Variants in ARNT2 observed in about 807,000 individuals in gnomAD.
ARNT2 encodes the protein ARNT protein 2.
ARNT2 carries 36 observed loss-of-function variants against 91.7 expected under a neutral mutation model. The observed-to-expected ratio is 0.39, with a 90% CI of 0.30 to 0.52. The LOEUF (loss-of-function observed/expected upper bound fraction) is 0.52. ARNT2 is among the 20% of genes least tolerant of loss of function. The pLI is 0.72. For synonymous variants in ARNT2, 365 were observed against 347.1 expected, an observed-to-expected ratio of 1.05 and a Z score of -0.57; for missense variants, 775 against 939.3, an observed-to-expected ratio of 0.83 and a Z score of 2.29.
At chr15:80,587,948 CATGGATGTT>C (rs1169680497) in intron 17 of ARNT2, among the ~76,000 whole-genome samples, 2 of 152,204 alleles carry the variant, frequency 1.3e-5, no homozygotes, top group African/African-American at 4.8e-5. Flanking sequence ...ACATCCAGAA[CATGGATGTT>C]ACTACATAGA....
chr15:80,547,264 G>A (rs770846626), intron 8 of ARNT2, among the ~76,000 whole-genome samples: 3 of 152,136 alleles, frequency 2.0e-5, no homozygotes, highest in East Asian at 3.9e-4. Flanking sequence ...GGGCCTTAGC[G>A]TGAATCAAAG....
At chr15:80,503,445 T>C (rs1388693486) in intron 5 of ARNT2, among the ~76,000 whole-genome samples, 1 of 152,236 alleles carries the variant, frequency 6.6e-6, no homozygotes, top group African/African-American at 2.4e-5. Flanking sequence ...GAAATAAACG[T>C]TGAAGCTGTT....
At chr15:80,545,339 C>G (rs1165732333) in intron 8 of ARNT2, among the ~76,000 whole-genome samples, 9 of 152,200 alleles carry the variant, frequency 5.9e-5, no homozygotes, top group Admixed American at 5.9e-4. Flanking sequence ...GGGCAAGAAA[C>G]TGGACATCCT....
intron 5 of ARNT2, among the ~76,000 whole-genome samples, chr15:80,491,378 G>A (rs561876002): frequency 6.6e-6 from 1 of 152,282 alleles, no homozygotes; most frequent in East Asian, 1.9e-4. Context: ...ATTACCATCA[G>A]ATCTTGTGAG....
At chr15:80,417,566 C>T (rs1230916446) in intron 1 of ARNT2, among the ~76,000 whole-genome samples, 2 of 147,156 alleles carry the variant, frequency 1.4e-5, no homozygotes, top group African/African-American at 2.5e-5. Context: ...TTCTTTTCTC[C>T]TTCTCCCCTC....
At chr15:80,449,017 A>AC (rs1191566051) in intron 1 of ARNT2, among the ~76,000 whole-genome samples, 16 of 152,156 alleles carry the variant, frequency 1.1e-4, no homozygotes, top group East Asian at 1.9e-4. Flanking sequence ...ACAAAACAAA[A>AC]AACCAAAACT....
rs75310976 is a variant in ARNT2 at position 80,530,719 on chromosome 15, G to C, written c.877+16314G>C. ...CCAAAAGCACCTGGTATACTTCAAA[G>C]CTTTGCCTTGCAAAGTGGGGGATCC... On this transcript the variant is annotated intron_variant, in intron 8 of 18. Coordinates refer to ENST00000303329, the MANE Select transcript of ARNT2 (RefSeq NM_014862.4). Among the ~76,000 whole-genome samples, 74 of 152,258 alleles carry C rather than the reference G, an allele frequency of 4.9e-4. 2 individuals carry two copies. In the East Asian group the frequency reaches 0.013, roughly 27 times the overall value.
At chr15:80,546,190 A>C (rs1214145248) in intron 8 of ARNT2, among the ~76,000 whole-genome samples, 2 of 152,206 alleles carry the variant, frequency 1.3e-5, no homozygotes, top group Non-Finnish European at 2.9e-5. Flanking sequence ...AGTTAGTACA[A>C]TGATTCTGTG....
At chr15:80,539,426 CTAA>C (rs1275865970) in intron 8 of ARNT2, among the ~76,000 whole-genome samples, 39 of 152,032 alleles carry the variant, frequency 2.6e-4, no homozygotes, top group Admixed American at 2.3e-3. Flanking sequence ...TCTTTGTAAA[CTAA>C]TAATAGAAAT....
chr15:80,424,036 A>G (rs1466616247), intron 1 of ARNT2, among the ~76,000 whole-genome samples: 1 of 152,170 alleles, frequency 6.6e-6, no homozygotes, highest in Non-Finnish European at 1.5e-5. Context: ...GTTCTACCCA[A>G]GTGGTGGCCC....
At chr15:80,483,498 T>C (rs1389778073) in intron 5 of ARNT2, among the ~76,000 whole-genome samples, 1 of 152,146 alleles carries the variant, frequency 6.6e-6, no homozygotes, top group African/African-American at 2.4e-5. Context: ...CTATGCTTGC[T>C]ATCTAGGGCA....
intron 12 of ARNT2, among the ~76,000 whole-genome samples, chr15:80,565,579 G>T (rs1898464689): frequency 6.7e-6 from 1 of 150,302 alleles, no homozygotes; most frequent in Non-Finnish European, 1.5e-5. Context: ...ATTCTAACTG[G>T]TGTGAGATGG....
intron 12 of ARNT2, among the ~76,000 whole-genome samples, chr15:80,568,234 C>T (rs1169904781): frequency 6.6e-6 from 1 of 152,138 alleles, no homozygotes; most frequent in Non-Finnish European, 1.5e-5. Flanking sequence ...GGGGCCAAGA[C>T]TCATTTGGGG....
intron 12 of ARNT2, among the ~76,000 whole-genome samples, chr15:80,567,078 A>G (rs1305478790): frequency 6.6e-6 from 1 of 152,166 alleles, no homozygotes; most frequent in Non-Finnish European, 1.5e-5. Flanking sequence ...TGAAGAAAAT[A>G]GGGAAGCTTG....
Position 80,423,568 on chromosome 15 carries a change from A to G in ARNT2, c.31+19022A>G, listed in dbSNP as rs140744750. ...ATGTATCTTCCTGAATAAAAGGCACATAGTAACACTGCATGGTTCTTTTAA... is the reference window on the plus strand; with the variant it reads ...ATGTATCTTCCTGAATAAAAGGCACGTAGTAACACTGCATGGTTCTTTTAA... On this transcript the variant is annotated intron_variant, in intron 1 of 18. Coordinates refer to ENST00000303329, the MANE Select transcript of ARNT2 (RefSeq NM_014862.4). Among the ~76,000 whole-genome samples the G allele has an allele frequency of 2.6e-5, 4 of 152,356 alleles. No homozygotes were observed. In the East Asian group the frequency reaches 7.7e-4, roughly 29 times the overall value.
intron 3 of ARNT2, among the ~76,000 whole-genome samples, chr15:80,464,320 G>T (rs1008070287): frequency 1.9e-4 from 29 of 149,420 alleles, no homozygotes; most frequent in Admixed American, 1.7e-3. Context: ...ATTGGGGGCT[G>T]GGGGTGGGGG....
chr15:80,524,853 C>T (rs1298427487), intron 8 of ARNT2, among the ~76,000 whole-genome samples: 3 of 146,768 alleles, frequency 2.0e-5, no homozygotes, highest in Admixed American at 6.9e-5. Context: ...CCAGCCTGGG[C>T]GACAGAGCCA....
chr15:80,471,997 T>C (rs1486675692), intron 4 of ARNT2, among the ~76,000 whole-genome samples: 3 of 152,176 alleles, frequency 2.0e-5, no homozygotes, highest in Admixed American at 2.0e-4. Flanking sequence ...TAAGCTTCAG[T>C]GTGCTCATCT....
chr15:80,556,071 G>A (rs1898180496), intron 11 of ARNT2: 1 of 152,086 alleles, frequency 6.6e-6, no homozygotes, highest in African/African-American at 2.4e-5. Flanking sequence ...AGATCATGAG[G>A]TCAGGAGTTC....
Sources: gnomAD v4.1 joint callset for allele counts (sites outside exome capture counted in the v4.1 genomes callset) on GRCh38, gnomAD v4.1.1 for gene constraint, MANE v1.5 for transcripts, NCBI Gene and HGNC (gene_info 2026-07-23, HGNC 2026-07-21) for gene names.